Variants in FSCN2 observed in about 807,000 individuals in gnomAD.
FSCN2 encodes fascin actin-bundling protein 2, retinal, also known as fascin-2.
Under a neutral mutation model 37.8 loss-of-function variants are expected in FSCN2, and 46 were observed. The observed-to-expected ratio is 1.22, with a 90% CI of 0.96 to 1.56. The LOEUF (loss-of-function observed/expected upper bound fraction) is 1.56, where lower values mean the gene tolerates loss of function less well. FSCN2 is among the 40% of genes most tolerant of loss of function. The pLI is 0.00. For synonymous variants in FSCN2, 351 were observed against 309.4 expected (o/e 1.13, Z -1.41); for missense variants, 844 against 730.4 (o/e 1.16, Z -1.79).
chr17:81,526,296 G>T (rs1161061432), upstream of FSCN2, among the ~76,000 whole-genome samples: 1 of 152,216 alleles, frequency 6.6e-6, no homozygotes, highest in Non-Finnish European at 1.5e-5. Context: ...TGCCCCTCCG[G>T]CTTCCCCCAC....
chr17:81,531,489 A>ATGGTGATGGTGGTGATGGTGATGG (rs1487431864), intron 1 of FSCN2, among the ~76,000 whole-genome samples: 1 of 83,694 alleles, frequency 1.2e-5, no homozygotes, highest in Non-Finnish European at 2.4e-5. Context: ...GATGGTGATG[A>ATGGTGATGGTGGTGATGGTGATGG]TGGTGATGGT....
At chr17:81,531,495 A>ATGGTGATGGTGGTGG in intron 1 of FSCN2, among the ~76,000 whole-genome samples, 1 of 92,390 alleles carries the variant, frequency 1.1e-5, no homozygotes, top group Non-Finnish European at 2.2e-5. Context: ...GATGATGGTG[A>ATGGTGATGGTGGTGG]TGGTGATGGT....
intron 1 of FSCN2, 119 bp from the exon 2 acceptor site, chr17:81,534,933 G>A (rs1019050998): frequency 1.5e-5 from 10 of 671,596 alleles, no homozygotes; most frequent in African/African-American, 9.3e-5. Flanking sequence ...ATCTTCTCAA[G>A]TCAAGAGGGT....
At chr17:81,521,669 G>A in the FSCN2 span, among the ~76,000 whole-genome samples, 1 of 152,136 alleles carries the variant, frequency 6.6e-6, no homozygotes, top group Non-Finnish European at 1.5e-5. Flanking sequence ...ACCACACCCA[G>A]CCTTTGTTTT....
At chr17:81,536,847 C>T (rs1430210801) in intron 4 of FSCN2, 28 bp from the exon 5 acceptor site, 5 of 1,550,294 alleles carry the variant, frequency 3.2e-6, no homozygotes, top group Non-Finnish European at 4.4e-6. Flanking sequence ...CAGGTGGGCA[C>T]CCCCGCCGAC....
Position 81,532,487 on chromosome 17 carries a change from G to A in FSCN2, c.827-2565G>A, listed in dbSNP as rs1281973226. On this transcript the variant is annotated intron_variant, in intron 1 of 4. Transcript: ENST00000417245. ...TGATGGTGGTGGTGGTGATGATAGT[G>A]ATGGTGATGATGGTGATGATAATGG... Among the ~76,000 whole-genome samples, 27 of 5,256 alleles carry A rather than the reference G, an allele frequency of 5.1e-3. 2 individuals are homozygous for A. The highest frequency in any genetic ancestry group is 0.043 in the Non-Finnish European group (24 of 560). The allele number at this position is 5,256 out of a possible 152,430, so 3.4% of individuals were successfully genotyped here. A position where few individuals can be genotyped will look rare whatever the true frequency, so the allele number is the denominator to read the frequency against.
chr17:81,518,157 G>A, the FSCN2 span, among the ~76,000 whole-genome samples: 17 of 152,038 alleles, frequency 1.1e-4, no homozygotes, highest in East Asian at 7.7e-4. Flanking sequence ...CTCCTTCAGC[G>A]CCCTGACCAC....
Position 81,536,761 on chromosome 17 carries a change from C to T in FSCN2, c.1245C>T (p.Ser415=), listed in dbSNP as rs1159324042. The change falls in exon 4 of 5, where the codon AGC becomes AGT. Residue 415 remains serine (S), a synonymous_variant. Transcript: ENST00000417245. The part of the protein sequence containing the change: ...NRSVYDVFHL[S]FSDGAYRIRG... ...CCGTCTACGACGTCTTCCACCTGAG[C>T]TTCAGCGACGGCGCCTACCGGATCC... The T allele has an allele frequency of 1.2e-6, 2 of 1,607,384 alleles. No homozygotes were observed. The highest frequency in any genetic ancestry group is 1.1e-5 in the South Asian group (1 of 90,486).
chr17:81,515,380 G>C, the FSCN2 span, among the ~76,000 whole-genome samples: 1 of 152,238 alleles, frequency 6.6e-6, no homozygotes, highest in Non-Finnish European at 1.5e-5. Flanking sequence ...GGAGCCGGGA[G>C]AGTCGGCAGC....
the FSCN2 span, among the ~76,000 whole-genome samples, chr17:81,518,686 G>A: frequency 6.3e-4 from 96 of 152,298 alleles, 1 homozygote; most frequent in East Asian, 0.013. Context: ...GTGTGCGCGG[G>A]GCACCGAGGT....
chr17:81,518,885 T>G, the FSCN2 span, among the ~76,000 whole-genome samples: 5 of 152,142 alleles, frequency 3.3e-5, no homozygotes, highest in South Asian at 2.1e-4. Context: ...GGGCGCTGTG[T>G]CCTAAGGGCT....
At chr17:81,520,059 C>T in the FSCN2 span, among the ~76,000 whole-genome samples, 2 of 152,320 alleles carry the variant, frequency 1.3e-5, no homozygotes, top group Admixed American at 6.5e-5. Context: ...GAGGCTTCTC[C>T]GGCCTTCCCA....
chr17:81,530,530 A>G lies in FSCN2; in HGVS notation c.826+1173A>G, dbSNP rs76782665. 1.1e-3 allele frequency: 486 copies of G among 460,938 alleles called. 1 individual carries two copies. Among genetic ancestry groups the G allele is most frequent in the African/African-American group, 8.9e-3 (442 of 49,506 alleles). The allele number at this position is 460,938 out of a possible 1,614,324, so 28.6% of individuals were successfully genotyped here. A position where few individuals can be genotyped will look rare whatever the true frequency, so the allele number is the denominator to read the frequency against. On this transcript the variant is annotated intron_variant, in intron 1 of 4. Transcript: ENST00000417245. ...CAGAGTGGCTCGGAGGTGGTCTGAA[A>G]AGGCGAGGTGGGGAGAGCCGGGTGC...
At position 81,528,839 on chromosome 17, in the gene FSCN2, G is replaced by A. The variant is rs782741672; in HGVS notation, c.308G>A (p.Arg103Gln). ...LPQPDGRWVL[R>Q]SEPHGRFFGG... The stretch of plus-strand genomic sequence containing the variant: ...CAGCCAGATGGGCGCTGGGTGCTGC[G>A]GTCCGAGCCGCACGGCCGCTTCTTC... Residue 103 changes from arginine to glutamine, a missense_variant, in exon 1 of 5, where the codon CGG becomes CAG. By Grantham distance (43) the Arg-to-Gln change is conservative. Transcript: ENST00000417245. 1.0e-5 allele frequency: 16 copies of A among 1,554,868 alleles called. No individual in the cohort carries two copies. Among genetic ancestry groups the A allele is most frequent in the South Asian group, 7.1e-5 (6 of 84,838 alleles).
chr17:81,532,214 G>GATGGTGATGATGATA (rs1280450522), intron 1 of FSCN2, among the ~76,000 whole-genome samples: 1 of 150,328 alleles, frequency 6.7e-6, no homozygotes, highest in African/African-American at 2.5e-5. Flanking sequence ...TGATGATAGT[G>GATGGTGATGATGATA]ATGGTGATGA....
intron 3 of FSCN2, 129 bp from the exon 4 acceptor site, chr17:81,536,493 C>T (rs1373743239): frequency 3.9e-6 from 6 of 1,533,926 alleles, no homozygotes; most frequent in Non-Finnish European, 5.2e-6. Flanking sequence ...CTTGCCAAGG[C>T]CGCACATGAG....
chr17:81,532,724 AGTGATG>A (rs1345745246), intron 1 of FSCN2, among the ~76,000 whole-genome samples: 25 of 130,094 alleles, frequency 1.9e-4, no homozygotes, highest in Admixed American at 3.6e-4. Flanking sequence ...TGGTGGTGAT[AGTGATG>A]GTGATGGTGA....
intron 1 of FSCN2, 117 bp from the exon 2 acceptor site, chr17:81,534,909 GAGGTGCCTTCCAAATCTTCTCAAGTC>G: frequency 1.7e-6 from 1 of 584,454 alleles, no homozygotes; most frequent in Non-Finnish European, 2.9e-6. Context: ...GGGTCTCTGA[GAGGTGCCTTCCAAATCTTCTCAAGTC>G]AAGAGGGTTC....
chr17:81,516,057 C>G, the FSCN2 span, among the ~76,000 whole-genome samples: 4 of 152,286 alleles, frequency 2.6e-5, no homozygotes, highest in East Asian at 7.7e-4. Context: ...GTTGGCCAGG[C>G]TGGCCTGAAC....
Sources: gnomAD v4.1 joint callset for allele counts (sites outside exome capture counted in the v4.1 genomes callset) on GRCh38, gnomAD v4.1.1 for gene constraint, MANE v1.5 for transcripts, NCBI Gene and HGNC (gene_info 2026-07-23, HGNC 2026-07-21) for gene names.